The following CLIP4 variants were observed in gnomAD, a reference collection of about 807,000 sequenced individuals.
CLIP4 encodes CAP-Gly domain containing linker protein family member 4, also known as CAP-Gly domain-containing linker protein 4.
A neutral mutation model predicts 73.1 loss-of-function variants in CLIP4; 47 were observed. That is an observed-to-expected ratio of 0.64 (90% CI 0.51 to 0.82). CLIP4 has a LOEUF of 0.82. Among genes scored for constraint, CLIP4 ranks in the 40% least tolerant of loss-of-function variants. CLIP4 has a pLI of 0.00. For synonymous variants in CLIP4, 306 were observed against 295.4 expected (o/e 1.04, Z -0.37); for missense variants, 874 against 852.9 (o/e 1.02, Z -0.31).
chr2:29,142,492 G>A (rs1665841981), intron 6 of CLIP4, among the ~76,000 whole-genome samples: 1 of 151,892 alleles, frequency 6.6e-6, no homozygotes, highest in Non-Finnish European at 1.5e-5. Context: ...TTCTCTCTCT[G>A]TTTTTTAGAG....
At chr2:29,137,614 C>G (rs1261151119) in intron 6 of CLIP4, among the ~76,000 whole-genome samples, 2 of 152,118 alleles carry the variant, frequency 1.3e-5, no homozygotes, top group Non-Finnish European at 2.9e-5. Flanking sequence ...TCCACAGGGG[C>G]TGAACCAATT....
intron 15 of CLIP4, among the ~76,000 whole-genome samples, chr2:29,178,589 T>A (rs773484138): frequency 1.3e-5 from 2 of 152,228 alleles, no homozygotes; most frequent in Admixed American, 6.5e-5. Flanking sequence ...AATAGCTTCC[T>A]TCAGCGTGAC....
In CLIP4 at chr2:29,183,342, T is replaced by A. The variant is rs1159251803; in HGVS notation, c.*1449T>A. The A allele has an allele frequency of 2.0e-5, 3 of 152,788 alleles. No homozygotes were observed. Among genetic ancestry groups the A allele is most frequent in the East Asian group, 3.9e-4 (2 of 5,190 alleles). 9.5% of individuals were successfully genotyped at this position (152,788 alleles called of 1,614,324 possible). On this transcript the variant is annotated 3_prime_UTR_variant, in exon 16 of 16. Transcript: ENST00000320081. ...AAATTCTGTCACTTCGCTGCCTTTT[T>A]AAAATAGTGTGGTATTTCAAATATT... is the stretch of plus-strand genomic sequence containing the variant.
At chr2:29,168,232 A>G (rs1291633474) in intron 14 of CLIP4, among the ~76,000 whole-genome samples, 1 of 152,126 alleles carries the variant, frequency 6.6e-6, no homozygotes, top group Non-Finnish European at 1.5e-5. Flanking sequence ...ATGAGGATGA[A>G]CCTGTTTTCA....
intron 8 of CLIP4, 125 bp from the exon 9 acceptor site, chr2:29,152,560 A>T: frequency 4.2e-6 from 4 of 952,766 alleles, no homozygotes; most frequent in Admixed American, 3.0e-5. Context: ...TTTTCCTCTC[A>T]TCATAGGACA....
intron 8 of CLIP4, among the ~76,000 whole-genome samples, chr2:29,146,144 G>T (rs547844293): frequency 6.6e-6 from 1 of 152,290 alleles, no homozygotes; most frequent in South Asian, 2.1e-4. Flanking sequence ...AGTGATGAGA[G>T]GGGTTTTTTC....
intron 7 of CLIP4, 121 bp downstream of exon 7, chr2:29,144,066 T>A (rs958647847): frequency 1.3e-6 from 1 of 741,002 alleles, no homozygotes; most frequent in Non-Finnish European, 2.4e-6. Context: ...GGTAGAAAGA[T>A]GCTTAATGGA....
Position 29,132,070 on chromosome 2 carries a change from A to G in CLIP4, c.274-82A>G, listed in dbSNP as rs561000032. 58 of 933,040 alleles carry G rather than the reference A, an allele frequency of 6.2e-5. No homozygotes were observed. The Middle Eastern group carries it at 7.0e-4, about 11-fold the overall frequency. The allele number at this position is 933,040 out of a possible 1,614,324, so 57.8% of individuals were successfully genotyped here. A position where few individuals can be genotyped will look rare whatever the true frequency, so the allele number is the denominator to read the frequency against. ...AGAAGTAATTCAGATACGATAGACT[A>G]ACTTGGTTCCTCAGCATTGGTTTGA... On this transcript the variant is annotated intron_variant, in intron 3 of 15. Coordinates refer to ENST00000320081, the MANE Select transcript of CLIP4 (RefSeq NM_024692.6).
At chr2:29,145,748 C>T (rs1049693649) in intron 8 of CLIP4, among the ~76,000 whole-genome samples, 3 of 152,222 alleles carry the variant, frequency 2.0e-5, no homozygotes, top group Admixed American at 6.5e-5. Flanking sequence ...GTGGCTCGAT[C>T]TCGGCTCACT....
intron 1 of CLIP4, among the ~76,000 whole-genome samples, chr2:29,102,941 C>A (rs1272185674): frequency 1.2e-4 from 19 of 152,072 alleles, no homozygotes; most frequent in Admixed American, 1.2e-3. Context: ...CGGTTCCCAC[C>A]CTGCCCCAGG....
At chr2:29,118,573 C>A (rs1202655521) in intron 1 of CLIP4, among the ~76,000 whole-genome samples, 2 of 149,956 alleles carry the variant, frequency 1.3e-5, no homozygotes, top group African/African-American at 4.9e-5. Context: ...GGCTGGACTG[C>A]AGTGGCGGGA....
chr2:29,127,938 T>A (rs1055488495), intron 2 of CLIP4, among the ~76,000 whole-genome samples: 9 of 152,204 alleles, frequency 5.9e-5, no homozygotes, highest in Admixed American at 4.6e-4. Flanking sequence ...ACTGGAATTA[T>A]GACTGATAAA....
In CLIP4 at chr2:29,160,540, G is replaced by A. The variant is rs930488458; in HGVS notation, c.1534+73G>A. 3.3e-6 allele frequency: 5 copies of A among 1,513,522 alleles called. No individual in the cohort carries two copies. The African/African-American group carries it at 7.0e-5, about 21-fold the overall frequency. The allele number at this position is 1,513,522 out of a possible 1,614,324, so 93.8% of individuals were successfully genotyped here. On this transcript the variant is annotated intron_variant, in intron 12 of 15. Coordinates refer to ENST00000320081, the MANE Select transcript of CLIP4 (RefSeq NM_024692.6). ...AGGTTTAAAATTTTACATGTAAATA[G>A]AATTTAATTGTAGAGAAATCTTGAT...
intron 12 of CLIP4, 102 bp downstream of exon 12, chr2:29,160,569 C>G: frequency 1.5e-6 from 2 of 1,358,672 alleles, no homozygotes; most frequent in Admixed American, 2.1e-5. Context: ...TCTTGATGAA[C>G]AGTTTTTGTG....
intron 1 of CLIP4, among the ~76,000 whole-genome samples, chr2:29,107,073 GGA>G (rs1411678654): frequency 6.6e-6 from 1 of 152,114 alleles, no homozygotes. Flanking sequence ...TCTTTGGCGA[GGA>G]GAGTCATTTG....
intron 14 of CLIP4, among the ~76,000 whole-genome samples, chr2:29,171,302 A>ACTTTGTAC (rs1041819304): frequency 6.6e-6 from 1 of 152,030 alleles, no homozygotes; most frequent in African/African-American, 2.4e-5. Flanking sequence ...CCTCATAGAG[A>ACTTTGTAC]CTTTGTACAT....
intron 3 of CLIP4, 143 bp downstream of exon 3, chr2:29,131,540 G>A: frequency 1.2e-6 from 1 of 821,236 alleles, no homozygotes; most frequent in Non-Finnish European, 1.8e-6. Flanking sequence ...GGATTTTCAT[G>A]GGGCAGTGAG....
In CLIP4 at chr2:29,143,623, C is replaced by T. The variant is rs372408658; in HGVS notation, c.649-86C>T. 98 of 873,408 alleles carry T rather than the reference C, an allele frequency of 1.1e-4. 1 individual carries two copies. In the East Asian group the frequency reaches 1.4e-3, roughly 12 times the overall value. 54.1% of individuals were successfully genotyped at this position (873,408 alleles called of 1,614,324 possible). Reference sequence around the variant, plus strand: ...ATAAACAAATGATGAATGAATTTAACGTAAAGTTCTTCCAACAGAAATTTT... The same window carrying T: ...ATAAACAAATGATGAATGAATTTAATGTAAAGTTCTTCCAACAGAAATTTT... On this transcript the variant is annotated intron_variant, in intron 6 of 15. Coordinates refer to ENST00000320081, the MANE Select transcript of CLIP4 (RefSeq NM_024692.6).
intron 15 of CLIP4, among the ~76,000 whole-genome samples, chr2:29,179,765 G>C (rs1668543881): frequency 6.6e-6 from 1 of 152,160 alleles, no homozygotes; most frequent in Non-Finnish European, 1.5e-5. Flanking sequence ...TAGTAACAGA[G>C]CTCTTCCATG....
Sources: gnomAD v4.1 joint callset for allele counts (sites outside exome capture counted in the v4.1 genomes callset) on GRCh38, gnomAD v4.1.1 for gene constraint, MANE v1.5 for transcripts, NCBI Gene and HGNC (gene_info 2026-07-23, HGNC 2026-07-21) for gene names.